CCSER1: variants seen among roughly 807,000 people sequenced by gnomAD.
CCSER1 encodes coiled-coil serine rich protein 1, also known as serine-rich coiled-coil domain-containing protein 1.
A neutral mutation model predicts 82.0 loss-of-function variants in CCSER1; 41 were observed. That is an observed-to-expected ratio of 0.50 (90% CI 0.39 to 0.65). CCSER1 has a LOEUF of 0.65. Among genes scored for constraint, CCSER1 ranks in the 30% least tolerant of loss-of-function variants. CCSER1 has a pLI of 0.00. For missense variants in CCSER1, 1,119 were observed against 1,064.2 expected (o/e 1.05, Z -0.72); for synonymous variants, 414 against 383.9 (o/e 1.08, Z -0.92).
At chr4:90,207,365 A>T (rs1038134457) in intron 1 of CCSER1, among the ~76,000 whole-genome samples, 1 of 152,082 alleles carries the variant, frequency 6.6e-6, no homozygotes, top group Admixed American at 6.6e-5. Flanking sequence ...GTTCTTCTCT[A>T]AACTGGTTAT....
rs766397233 is a variant in CCSER1 at position 90,224,125 on chromosome 4, A to G, written c.-41-84119A>G. The stretch of plus-strand genomic sequence containing the variant: ...GAATTTTTAGCAGCAGTATCATACA[A>G]ATCTTTAGAGATTTTATATTTATCT... On this transcript the variant is annotated intron_variant, in intron 1 of 10. Coordinates refer to ENST00000509176, the MANE Select transcript of CCSER1 (RefSeq NM_001145065.2). Among the ~76,000 whole-genome samples the G allele has an allele frequency of 7.9e-5, 12 of 152,208 alleles. 1 individual carries two copies. The highest frequency in any genetic ancestry group is 4.1e-4 in the South Asian group (2 of 4,834).
At chr4:90,745,161 A>C (rs1296239796) in intron 7 of CCSER1, among the ~76,000 whole-genome samples, 1 of 152,128 alleles carries the variant, frequency 6.6e-6, no homozygotes, top group South Asian at 2.1e-4. Context: ...TCTGAAGGCT[A>C]TAAGGGACAG....
intron 5 of CCSER1, among the ~76,000 whole-genome samples, chr4:90,494,635 T>C (rs952719611): frequency 3.9e-5 from 6 of 152,190 alleles, no homozygotes; most frequent in Non-Finnish European, 8.8e-5. Context: ...TATGCCCAGT[T>C]TGTAGACTTC....
intron 1 of CCSER1, among the ~76,000 whole-genome samples, chr4:90,306,744 C>G (rs181335798): frequency 6.6e-6 from 1 of 152,014 alleles, no homozygotes; most frequent in Admixed American, 6.6e-5. Context: ...TTTTTAGTCA[C>G]GTAGTTTTGG....
At chr4:91,530,745 T>A (rs10030618) in intron 10 of CCSER1, among the ~76,000 whole-genome samples, 2 of 150,352 alleles carry the variant, frequency 1.3e-5, no homozygotes, top group East Asian at 2.0e-4. Context: ...CAGAGTGCAC[T>A]GGTGTGATCT....
At chr4:90,917,335 A>G (rs530823589) in intron 8 of CCSER1, among the ~76,000 whole-genome samples, 1 of 152,322 alleles carries the variant, frequency 6.6e-6, no homozygotes, top group East Asian at 1.9e-4. Flanking sequence ...CTATGCAGCC[A>G]TAAAAATGAT....
chr4:90,281,356 G>A (rs1316504076), intron 1 of CCSER1, among the ~76,000 whole-genome samples: 1 of 151,972 alleles, frequency 6.6e-6, no homozygotes, highest in Admixed American at 6.6e-5. Context: ...GCCAGGAAAG[G>A]CAAGGATTGA....
chr4:90,828,845 TAGG>T (rs1223923803), intron 8 of CCSER1, among the ~76,000 whole-genome samples: 2 of 152,138 alleles, frequency 1.3e-5, no homozygotes, highest in Non-Finnish European at 2.9e-5. Flanking sequence ...TTACATTTGT[TAGG>T]AGAACTTTTA....
At chr4:90,182,475 T>C (rs1733902385) in intron 1 of CCSER1, among the ~76,000 whole-genome samples, 1 of 152,128 alleles carries the variant, frequency 6.6e-6, no homozygotes. Context: ...TTATAGTCAA[T>C]TTGCTTTATT....
At chr4:90,332,436 A>C (rs113950282) in intron 3 of CCSER1, among the ~76,000 whole-genome samples, 6 of 151,898 alleles carry the variant, frequency 4.0e-5, no homozygotes, top group African/African-American at 1.5e-4. Flanking sequence ...GGGTTTCACT[A>C]TGTTGGTCAG....
chr4:91,175,055 G>A (rs567387446), intron 10 of CCSER1, among the ~76,000 whole-genome samples: 3 of 152,068 alleles, frequency 2.0e-5, no homozygotes, highest in Non-Finnish European at 4.4e-5. Context: ...TCCCACCTAT[G>A]AGTGAGAACA....
intron 5 of CCSER1, among the ~76,000 whole-genome samples, chr4:90,560,726 T>G (rs184923363): frequency 2.4e-4 from 36 of 152,302 alleles, no homozygotes; most frequent in Non-Finnish European, 1.2e-4. Flanking sequence ...ACCTTTACTT[T>G]GAGCAACATT....
intron 8 of CCSER1, among the ~76,000 whole-genome samples, chr4:90,831,724 AT>A (rs1194146177): frequency 6.6e-6 from 1 of 151,962 alleles, no homozygotes. Flanking sequence ...CTTGCATATC[AT>A]TTTTTTTCCA....
intron 10 of CCSER1, among the ~76,000 whole-genome samples, chr4:91,435,371 A>G (rs72658003): frequency 0.014 from 2,123 of 152,012 alleles, 28 homozygotes; most frequent in Non-Finnish European, 0.022. Flanking sequence ...AGCCCATGAG[A>G]TCACGGCTGC....
chr4:91,087,060 A>T (rs1005699934), intron 10 of CCSER1, among the ~76,000 whole-genome samples: 48 of 152,108 alleles, frequency 3.2e-4, no homozygotes, highest in African/African-American at 1.1e-3. Context: ...CTTCATAAGG[A>T]AGATCTCAGA....
At chr4:91,517,469 G>T (rs1245125442) in intron 10 of CCSER1, among the ~76,000 whole-genome samples, 2 of 152,064 alleles carry the variant, frequency 1.3e-5, no homozygotes, top group African/African-American at 4.8e-5. Context: ...TTTGTCTTTA[G>T]TCAGTTTGGT....
chr4:91,051,333 AATT>A (rs1392429552), intron 9 of CCSER1, among the ~76,000 whole-genome samples: 1 of 152,160 alleles, frequency 6.6e-6, no homozygotes, highest in East Asian at 1.9e-4. Flanking sequence ...ATTTACAATT[AATT>A]ATTTTATAGC....
intron 6 of CCSER1, among the ~76,000 whole-genome samples, chr4:90,648,288 A>AGAAAGAAAGAAAGAAAG (rs1553969684): frequency 1.5e-3 from 145 of 96,438 alleles, no homozygotes; most frequent in African/African-American, 5.6e-3. Flanking sequence ...AAGAAAGGAA[A>AGAAAGAAAGAAAGAAAG]GAAAGAAAGA....
At chr4:90,207,541 C>T (rs570808823) in intron 1 of CCSER1, among the ~76,000 whole-genome samples, 11 of 152,008 alleles carry the variant, frequency 7.2e-5, no homozygotes, top group African/African-American at 1.9e-4. Flanking sequence ...CCCTTGCTGC[C>T]GAGGGGCTGT....
Sources: gnomAD v4.1 joint callset for allele counts (sites outside exome capture counted in the v4.1 genomes callset) on GRCh38, gnomAD v4.1.1 for gene constraint, MANE v1.5 for transcripts, NCBI Gene and HGNC (gene_info 2026-07-23, HGNC 2026-07-21) for gene names.